Variants in MAMDC2 observed in about 807,000 individuals in gnomAD.
The protein encoded by MAMDC2 is MAM domain containing 2, also known as MAM domain-containing protein 2.
Under a neutral mutation model 89.8 loss-of-function variants are expected in MAMDC2, and 57 were observed. That is an observed-to-expected ratio of 0.63 (90% CI 0.51 to 0.79). MAMDC2 has a LOEUF of 0.79. Ranked by LOEUF, MAMDC2 falls within the 30% of genes least tolerant of loss-of-function variation. The pLI, the probability that MAMDC2 is intolerant of heterozygous loss-of-function variation, is 0.00. For synonymous variants in MAMDC2, 313 were observed against 293.4 expected (o/e 1.07, Z -0.68); for missense variants, 800 against 820.6 (o/e 0.97, Z 0.31).
intron 9 of MAMDC2, 31 bp from the exon 10 acceptor site, chr9:70,168,671 G>C: frequency 6.3e-7 from 1 of 1,578,026 alleles, no homozygotes; most frequent in Non-Finnish European, 8.7e-7. Context: ...TCAGTTAACA[G>C]AATTCATAGC....
At chr9:70,211,120 G>T (rs12351189) in intron 11 of MAMDC2, among the ~76,000 whole-genome samples, 1 of 152,068 alleles carries the variant, frequency 6.6e-6, no homozygotes. Flanking sequence ...TGCTCTTCTC[G>T]AGGAGTATCT....
chr9:70,179,311 G>C lies in MAMDC2; in HGVS notation c.1651+8680G>C, dbSNP rs188214447. On this transcript the variant is annotated intron_variant, in intron 11 of 13. Transcript: ENST00000377182. ...GCGGATCACGAGGTCAGGAGATCGA[G>C]ACTATCCTGGCTAACACGGTGAAAC... 4.1e-3 allele frequency among the ~76,000 whole-genome samples: 615 copies of C among 151,540 alleles called. 3 individuals are homozygous for C. Among genetic ancestry groups the C allele is most frequent in the African/African-American group, 0.014 (587 of 41,272 alleles).
chr9:70,223,019 GC>G (rs1450843787), intron 12 of MAMDC2, among the ~76,000 whole-genome samples: 3 of 151,114 alleles, frequency 2.0e-5, no homozygotes, highest in Non-Finnish European at 2.9e-5. Context: ...CATGCCTGTA[GC>G]CCCAGCTACT....
chr9:70,199,062 T>TG (rs370866177), intron 11 of MAMDC2, among the ~76,000 whole-genome samples: 132 of 1,852 alleles, frequency 0.071, no homozygotes, highest in Admixed American at 0.13. Context: ...TTCGTTTGTT[T>TG]TTTTTTTATT....
At chr9:70,087,006 C>CT (rs990549619) in intron 2 of MAMDC2, 4 of 152,154 alleles carry the variant, frequency 2.6e-5, no homozygotes, top group Admixed American at 6.6e-5. Context: ...TGTCCACTAA[C>CT]TTTTTTTTCC....
At chr9:70,142,387 C>G (rs1438036380) in intron 8 of MAMDC2, among the ~76,000 whole-genome samples, 2 of 152,004 alleles carry the variant, frequency 1.3e-5, no homozygotes, top group Admixed American at 6.6e-5. Context: ...TGGCAGGCCA[C>G]AGGAAGCATT....
In MAMDC2 at chr9:70,058,757, C is replaced by T. The variant is rs73460506; in HGVS notation, c.148+14060C>T. Among the ~76,000 whole-genome samples the T allele has an allele frequency of 3.7e-3, 561 of 152,312 alleles. 3 individuals carry two copies. Among genetic ancestry groups the T allele is most frequent in the African/African-American group, 0.011 (478 of 41,566 alleles). On this transcript the variant is annotated intron_variant, in intron 2 of 13. Coordinates refer to ENST00000377182, the MANE Select transcript of MAMDC2 (RefSeq NM_153267.5). ...TCTACTTGAGTTCTGATGTGAGTGA[C>T]TAAGAGAAGCATGTAGAAACATTAG...
intron 11 of MAMDC2, among the ~76,000 whole-genome samples, chr9:70,210,563 C>T (rs2033333555): frequency 6.6e-6 from 1 of 152,174 alleles, no homozygotes; most frequent in South Asian, 2.1e-4. Flanking sequence ...ATACAGCACA[C>T]TGATGGGTCT....
At chr9:70,072,569 A>G (rs1315831468) in intron 2 of MAMDC2, among the ~76,000 whole-genome samples, 1 of 152,148 alleles carries the variant, frequency 6.6e-6, no homozygotes, top group African/African-American at 2.4e-5. Flanking sequence ...TGAGCTGGAC[A>G]TTGGTATTAT....
intron 2 of MAMDC2, among the ~76,000 whole-genome samples, chr9:70,095,083 GC>G (rs1344828233): frequency 9.2e-5 from 14 of 152,220 alleles, no homozygotes; most frequent in African/African-American, 3.4e-4. Context: ...AAAGGAAACA[GC>G]ATGTGGGAAG....
intron 4 of MAMDC2, among the ~76,000 whole-genome samples, chr9:70,111,606 C>T (rs553792652): frequency 3.3e-4 from 51 of 152,294 alleles, no homozygotes; most frequent in African/African-American, 1.1e-3. Flanking sequence ...CAGCATTTGG[C>T]ACTGAATGTT....
At chr9:70,171,511 T>C (rs2032346933) in intron 11 of MAMDC2, among the ~76,000 whole-genome samples, 1 of 152,016 alleles carries the variant, frequency 6.6e-6, no homozygotes, top group Admixed American at 6.6e-5. Flanking sequence ...AAAAAATAAA[T>C]AATAAATTAA....
At chr9:70,065,310 C>T (rs959254623) in intron 2 of MAMDC2, among the ~76,000 whole-genome samples, 5 of 152,222 alleles carry the variant, frequency 3.3e-5, no homozygotes, top group African/African-American at 4.8e-5. Flanking sequence ...CAAAATGTCA[C>T]GGATTAAAAT....
intron 2 of MAMDC2, among the ~76,000 whole-genome samples, chr9:70,080,672 T>C (rs531276045): frequency 8.0e-4 from 122 of 152,316 alleles, no homozygotes; most frequent in African/African-American, 2.9e-3. Flanking sequence ...TTTCCATGTG[T>C]CATTGCCAAT....
intron 12 of MAMDC2, 34 bp downstream of exon 12, chr9:70,218,630 A>C: frequency 1.3e-6 from 2 of 1,549,634 alleles, no homozygotes; most frequent in African/African-American, 2.7e-5. Context: ...AAGCAATGGA[A>C]AACGTGTAGG....
intron 4 of MAMDC2, 90 bp downstream of exon 4, chr9:70,109,894 C>A: frequency 9.6e-7 from 1 of 1,039,404 alleles, no homozygotes; most frequent in Non-Finnish European, 1.5e-6. Flanking sequence ...TCCTAAAGAC[C>A]AACTATTTTA....
chr9:70,145,685 A>T (rs1344637939), intron 9 of MAMDC2, among the ~76,000 whole-genome samples: 1 of 152,122 alleles, frequency 6.6e-6, no homozygotes, highest in Non-Finnish European at 1.5e-5. Flanking sequence ...TGATTTTTTT[A>T]AAGGAGGATA....
chr9:70,081,332 G>A (rs1353500799), intron 2 of MAMDC2, among the ~76,000 whole-genome samples: 1 of 151,976 alleles, frequency 6.6e-6, no homozygotes, highest in Non-Finnish European at 1.5e-5. Flanking sequence ...GGAGGGGGAG[G>A]GAATGTCCAA....
At chr9:70,116,858 A>G (rs981982090) in intron 5 of MAMDC2, among the ~76,000 whole-genome samples, 6 of 152,138 alleles carry the variant, frequency 3.9e-5, no homozygotes, top group Non-Finnish European at 7.4e-5. Flanking sequence ...CACCCCTGAC[A>G]TAAGTACTTG....
Sources: gnomAD v4.1 joint callset for allele counts (sites outside exome capture counted in the v4.1 genomes callset) on GRCh38, gnomAD v4.1.1 for gene constraint, MANE v1.5 for transcripts, NCBI Gene and HGNC (gene_info 2026-07-23, HGNC 2026-07-21) for gene names.